The following TMEM64 variants were observed in gnomAD, a reference collection of about 807,000 sequenced individuals.
TMEM64 encodes the protein transmembrane protein 64.
A neutral mutation model predicts 24.5 loss-of-function variants in TMEM64; 19 were observed. The observed-to-expected ratio is 0.78, with a 90% CI of 0.54 to 1.14. The LOEUF (loss-of-function observed/expected upper bound fraction) is 1.14. Ranked by LOEUF, TMEM64 falls within the 50% of genes most tolerant of loss-of-function variation. TMEM64 has a pLI of 0.00. For synonymous variants in TMEM64, 262 were observed against 224.7 expected (o/e 1.17, Z -1.49); for missense variants, 487 against 493.0 (o/e 0.99, Z 0.12).
chr8:90,634,463 T>C (rs775301315), intron 1 of TMEM64, among the ~76,000 whole-genome samples: 1 of 152,178 alleles, frequency 6.6e-6, no homozygotes, highest in Non-Finnish European at 1.5e-5. Flanking sequence ...CTTTTAAAAA[T>C]GGCCATAACT....
intron 1 of TMEM64, among the ~76,000 whole-genome samples, chr8:90,641,547 A>G (rs1809604547): frequency 1.3e-5 from 2 of 152,182 alleles, no homozygotes; most frequent in Admixed American, 1.3e-4. Context: ...CAAGTATTCT[A>G]TAACTGGAAT....
intron 1 of TMEM64, among the ~76,000 whole-genome samples, chr8:90,640,804 C>T (rs1809593201): frequency 6.6e-6 from 1 of 152,086 alleles, no homozygotes; most frequent in African/African-American, 2.4e-5. Flanking sequence ...TCAGTCAGTA[C>T]CAGTTTCACA....
chr8:90,637,307 G>A (rs1385356818), intron 1 of TMEM64, among the ~76,000 whole-genome samples: 1 of 152,118 alleles, frequency 6.6e-6, no homozygotes, highest in Non-Finnish European at 1.5e-5. Flanking sequence ...CAGCTCTTCT[G>A]CTTTCTAAGA....
chr8:90,626,431 A>T (rs1316872511), intron 2 of TMEM64, among the ~76,000 whole-genome samples: 1 of 152,216 alleles, frequency 6.6e-6, no homozygotes, highest in Non-Finnish European at 1.5e-5. Context: ...TTAGGAAAAA[A>T]CAAAATCAGA....
chr8:90,643,454 C>G (rs1586132275), intron 1 of TMEM64, among the ~76,000 whole-genome samples: 2 of 152,158 alleles, frequency 1.3e-5, no homozygotes, highest in African/African-American at 2.4e-5. Context: ...AAGCAGACAG[C>G]AGGATTTCAC....
In TMEM64 at chr8:90,645,785, C is replaced by A. The variant is rs1212877449; in HGVS notation, c.121G>T (p.Gly41Cys). The change falls in exon 1 of 3, where the codon GGC becomes TGC. Residue 41 changes from glycine to cysteine, a missense_variant. Physicochemically the swap from Gly to Cys is radical, Grantham distance 159. Transcript: ENST00000458549. The surrounding 1 kb of genome is among the most constrained non-coding windows in gnomAD (Gnocchi z 4.2). ...CCGCGGGGAAGGCGGTCCGCCGGGC[C>A]GTCCCCGCCCGCACCCCGCGGCAGG... Reference protein sequence around the residue: ...WALPRGAGGDGPADRLPRGGG... With the variant: ...WALPRGAGGDCPADRLPRGGG... 3.0e-6 allele frequency: 3 copies of A among 1,016,818 alleles called. No individual in the cohort carries two copies. Among genetic ancestry groups the A allele is most frequent in the South Asian group, 4.5e-5 (1 of 22,430 alleles). 63.0% of individuals were successfully genotyped at this position (1,016,818 alleles called of 1,614,324 possible).
chr8:90,624,961 A>G lies in TMEM64; in HGVS notation c.*710T>C, dbSNP rs918308047. Reference sequence around the variant, plus strand: ...TAACTGAATTAGAACAAGAGTTCCAATTTTGAGCTACCATCCACCAAATAA... The same window carrying G: ...TAACTGAATTAGAACAAGAGTTCCAGTTTTGAGCTACCATCCACCAAATAA... On this transcript the variant is annotated 3_prime_UTR_variant, in exon 3 of 3. Transcript: ENST00000458549. 2.6e-5 allele frequency: 4 copies of G among 152,588 alleles called. No individual in the cohort carries two copies. The South Asian group carries it at 8.3e-4, about 32-fold the overall frequency. 9.5% of individuals were successfully genotyped at this position (152,588 alleles called of 1,614,324 possible).
intron 1 of TMEM64, among the ~76,000 whole-genome samples, chr8:90,637,321 T>C (rs973553684): frequency 1.3e-5 from 2 of 152,186 alleles, no homozygotes; most frequent in Admixed American, 6.5e-5. Flanking sequence ...TCTAAGATTA[T>C]AGCTTTTTAC....
rs749746976 is a variant in TMEM64, at chr8:90,645,211, C to G, written c.695G>C (p.Ser232Thr). ...AARIQSSEKL[S>T]AVIRVVEGGS... ...TCCCTCCACTACGCGAATAACCGCGCTCAGCTTCTCGCTGCTCTGGATCCT... is the reference window on the plus strand; with the variant it reads ...TCCCTCCACTACGCGAATAACCGCGGTCAGCTTCTCGCTGCTCTGGATCCT... The change falls in exon 1 of 3, where the codon AGC (serine) becomes ACC (threonine). Residue 232 changes from serine (S) to threonine (T), a missense_variant. Around this residue, in one of 3 missense-constraint regions of TMEM64, gnomAD observed 419 missense variants for 407.5 expected, o/e 1.03. Transcript: ENST00000458549. The surrounding 1 kb of genome is among the most constrained non-coding windows in gnomAD (Gnocchi z 4.2). 7 of 1,614,098 alleles carry G rather than the reference C, an allele frequency of 4.3e-6. No homozygotes were observed. The Admixed American group carries it at 1.2e-4, about 27-fold the overall frequency.
At chr8:90,635,429 G>A (rs760354983) in intron 1 of TMEM64, among the ~76,000 whole-genome samples, 70 of 150,908 alleles carry the variant, frequency 4.6e-4, no homozygotes, top group Middle Eastern at 3.4e-3. Context: ...ACTCTTCGCT[G>A]TGTCACCCAG....
At chr8:90,638,085 T>A (rs1022245472) in intron 1 of TMEM64, among the ~76,000 whole-genome samples, 1 of 151,982 alleles carries the variant, frequency 6.6e-6, no homozygotes, top group Non-Finnish European at 1.5e-5. Flanking sequence ...TGGTCCTGAC[T>A]ACACAGACTA....
At chr8:90,626,733 T>C (rs919296582) in intron 2 of TMEM64, among the ~76,000 whole-genome samples, 2 of 150,280 alleles carry the variant, frequency 1.3e-5, no homozygotes, top group Non-Finnish European at 2.9e-5. Context: ...CGGGTTCAAG[T>C]GATTCTCCTG....
chr8:90,625,658 T>C lies in TMEM64; in HGVS notation c.*13A>G, dbSNP rs1316246878. On this transcript the variant is annotated 3_prime_UTR_variant, in exon 3 of 3. Transcript: ENST00000458549. Reference sequence around the variant, plus strand: ...GCACACTAGGCTCTTGACAATCACGTATCTCATTAGAATCATACAACATTG... The same window carrying C: ...GCACACTAGGCTCTTGACAATCACGCATCTCATTAGAATCATACAACATTG... 1 of 1,609,602 alleles carries C rather than the reference T, an allele frequency of 6.2e-7. No homozygotes were observed. The highest frequency in any genetic ancestry group is 8.5e-7 in the Non-Finnish European group (1 of 1,176,926).
Position 90,645,365 on chromosome 8 carries a change from G to C in TMEM64, c.541C>G (p.Leu181Val), listed in dbSNP as rs908020228. 21 of 1,552,332 alleles carry C rather than the reference G, an allele frequency of 1.4e-5. No individual in the cohort carries two copies. The highest frequency in any genetic ancestry group is 1.6e-5 in the Non-Finnish European group (18 of 1,147,404). The change falls in exon 1 of 3, where the codon CTC (leucine) becomes GTC (valine). Residue 181 changes from leucine to valine, a missense_variant. Physicochemically the swap from Leu to Val is conservative, Grantham distance 32 (BLOSUM62 1). Coordinates refer to ENST00000458549, the MANE Select transcript of TMEM64 (RefSeq NM_001008495.4). This position sits in a 1 kb window ranked among gnomAD's most constrained non-coding sequence, Gnocchi z 4.2. ...SFPCGWGYIV[L>V]NVAAGYLYGF... is the part of the protein sequence containing the mutation. ...TACAGGTAGCCAGCGGCCACGTTGA[G>C]CACGATGTAGCCCCAGCCGCAGGGG...
chr8:90,629,254 T>A (rs1020487209), intron 2 of TMEM64, among the ~76,000 whole-genome samples: 1 of 152,220 alleles, frequency 6.6e-6, no homozygotes, highest in African/African-American at 2.4e-5. Context: ...TTCCCCACTG[T>A]CTTGTATTCT....
rs763026957 is a variant in TMEM64 at position 90,645,105 on chromosome 8, A to G, written c.795+6T>C. The G allele has an allele frequency of 2.5e-6, 4 of 1,597,850 alleles. No homozygotes were observed. Among genetic ancestry groups the G allele is most frequent in the Non-Finnish European group, 1.7e-6 (2 of 1,168,562 alleles). On this transcript the variant is annotated splice_donor_region_variant and intron_variant, in intron 1 of 2. Coordinates refer to ENST00000458549, the MANE Select transcript of TMEM64 (RefSeq NM_001008495.4). This position sits in a 1 kb window ranked among gnomAD's most constrained non-coding sequence, Gnocchi z 4.2. ...GAGAGGGATAGGCCAGCGGGACCCC[A>G]CTTACCGAAAACACTGCATTCTGAA...
intron 1 of TMEM64, among the ~76,000 whole-genome samples, chr8:90,639,957 T>C (rs1421044108): frequency 6.6e-6 from 1 of 152,204 alleles, no homozygotes; most frequent in African/African-American, 2.4e-5. Context: ...TAGTGAATTG[T>C]AAGCCTACAT....
chr8:90,625,535 A>T lies in TMEM64; in HGVS notation c.*136T>A, dbSNP rs1809343241. On this transcript the variant is annotated 3_prime_UTR_variant, in exon 3 of 3. Coordinates refer to ENST00000458549, the MANE Select transcript of TMEM64 (RefSeq NM_001008495.4). ...AAATGATTCTTGCTTTAAAAAAAAA[A>T]AATTGTGCAATTTAAAAACTAGTCA... is the stretch of plus-strand genomic sequence containing the variant. 2.7e-6 allele frequency: 2 copies of T among 728,556 alleles called. No homozygotes were observed. Among genetic ancestry groups the T allele is most frequent in the Non-Finnish European group, 4.3e-6 (2 of 469,716 alleles). 45.1% of individuals were successfully genotyped at this position (728,556 alleles called of 1,614,324 possible).
At position 90,645,791 on chromosome 8, in the gene TMEM64, C is replaced by T. The variant is rs988675260; in HGVS notation, c.115G>A (p.Gly39Arg). 1 of 1,019,526 alleles carries T rather than the reference C, an allele frequency of 9.8e-7. No homozygotes were observed. The highest frequency in any genetic ancestry group is 1.2e-6 in the Non-Finnish European group (1 of 854,088). 63.2% of individuals were successfully genotyped at this position (1,019,526 alleles called of 1,614,324 possible). The part of the protein sequence containing the change: ...ARWALPRGAG[G>R]DGPADRLPRG... ...GGAAGGCGGTCCGCCGGGCCGTCCCCGCCCGCACCCCGCGGCAGGGCCCAG... is the reference window on the plus strand; with the variant it reads ...GGAAGGCGGTCCGCCGGGCCGTCCCTGCCCGCACCCCGCGGCAGGGCCCAG... Residue 39 changes from glycine (G) to arginine (R), a missense_variant, in exon 1 of 3, where the codon GGG (glycine) becomes AGG (arginine). Physicochemically the swap from Gly to Arg is moderately radical, Grantham distance 125. This residue lies in a region of TMEM64 where 419 missense variants were observed against 407.5 expected (regional missense o/e 1.03). Transcript: ENST00000458549. The surrounding 1 kb of genome is among the most constrained non-coding windows in gnomAD (Gnocchi z 4.2).
Sources: allele counts gnomAD v4.1 joint callset (sites outside exome capture counted in the v4.1 genomes callset), GRCh38; gene constraint gnomAD v4.1.1; regional missense constraint gnomAD v4.1.1; non-coding constraint Gnocchi (gnomAD v3.1); transcripts MANE v1.5; gene names NCBI Gene and HGNC (gene_info 2026-07-23, HGNC 2026-07-21).